DIP2B: variants seen among roughly 807,000 people sequenced by gnomAD.
The protein encoded by DIP2B is DIP2 acetate--CoA ligase B (putative), also known as disco-interacting protein 2 homolog B.
DIP2B carries 76 observed loss-of-function variants against 198.0 expected under a neutral mutation model. That is an observed-to-expected ratio of 0.38 (90% CI 0.32 to 0.46). The LOEUF is 0.46. Among genes scored for constraint, DIP2B ranks in the 20% least tolerant of loss-of-function variants. The pLI is 0.99. For synonymous variants in DIP2B, 701 were observed against 739.1 expected (o/e 0.95, Z 0.84); for missense variants, 1,559 against 1,978.4 (o/e 0.79, Z 4.02).
At chr12:50,718,560 A>C (rs567788618) in intron 23 of DIP2B, 149 bp from the exon 24 acceptor site, 1 of 656,206 alleles carries the variant, frequency 1.5e-6, no homozygotes, top group African/African-American at 1.8e-5. Flanking sequence ...TCTTTGCCCT[A>C]TTTGCTCCTG....
chr12:50,679,229 A>T (rs574334766), intron 8 of DIP2B: 9 of 210,890 alleles, frequency 4.3e-5, no homozygotes, highest in African/African-American at 2.1e-4. Context: ...TTAAATCTTT[A>T]TTCCATCCTG....
chr12:50,721,527 T>G (rs866502577), intron 26 of DIP2B, 131 bp downstream of exon 26: 3 of 1,383,814 alleles, frequency 2.2e-6, no homozygotes, highest in Middle Eastern at 2.2e-4. Flanking sequence ...TAGAAGACCA[T>G]GCACACAGGC....
chr12:50,562,766 T>A lies in DIP2B; in HGVS notation c.100+57526T>A, dbSNP rs1348046768. On this transcript the variant is annotated intron_variant, in intron 1 of 37. Transcript: ENST00000301180. Reference sequence around the variant, plus strand: ...AAAAAAAAAAATTCTCAGGCTTTTTTATGGTCAGACTAAATTATCACCTAA... The same window carrying A: ...AAAAAAAAAAATTCTCAGGCTTTTTAATGGTCAGACTAAATTATCACCTAA... 4.6e-5 allele frequency among the ~76,000 whole-genome samples: 7 copies of A among 152,136 alleles called. No individual in the cohort carries two copies. The East Asian group carries it at 1.2e-3, about 25-fold the overall frequency.
In DIP2B at chr12:50,695,791, A is replaced by G. The variant is rs967581394; in HGVS notation, c.1814-57A>G. The G allele has an allele frequency of 1.4e-5, 23 of 1,599,596 alleles. No homozygotes were observed. The African/African-American group carries it at 2.3e-4, about 16-fold the overall frequency. Reference sequence around the variant, plus strand: ...AGTAAAAATGTTTTTATTGTGGTGTATTACATATGTCCCAAATTTATTGTG... The same window carrying G: ...AGTAAAAATGTTTTTATTGTGGTGTGTTACATATGTCCCAAATTTATTGTG... On this transcript the variant is annotated intron_variant, in intron 15 of 37. Coordinates refer to ENST00000301180, the MANE Select transcript of DIP2B (RefSeq NM_173602.3).
rs1940346035 is a variant in DIP2B, at chr12:50,746,712, TG to T, written c.*1874del. The T allele has an allele frequency of 6.6e-6, 1 of 152,194 alleles. No individual in the cohort carries two copies. Among genetic ancestry groups the T allele is most frequent in the African/African-American group, 2.4e-5 (1 of 41,432 alleles). 9.4% of individuals were successfully genotyped at this position (152,194 alleles called of 1,614,324 possible). A position where few individuals can be genotyped will look rare whatever the true frequency, so the allele number is the denominator to read the frequency against. On this transcript the variant is annotated 3_prime_UTR_variant, in exon 38 of 38. Transcript: ENST00000301180. ...CATTGGGGCACACAGGAAATCCCAG[TG>T]TCTAGCAATGGTTTGGTTTGCAGAG...
chr12:50,736,138 C>T (rs1250825077), intron 34 of DIP2B, among the ~76,000 whole-genome samples: 1 of 152,100 alleles, frequency 6.6e-6, no homozygotes, highest in Non-Finnish European at 1.5e-5. Context: ...CCTGCCAAAC[C>T]TACTTGGTGG....
rs776371164 is a variant in DIP2B at position 50,543,149 on chromosome 12, T to TA, written c.100+37910dup. Among the ~76,000 whole-genome samples, 6 of 152,194 alleles carry TA rather than the reference T, an allele frequency of 3.9e-5. No individual in the cohort carries two copies. In the East Asian group the frequency reaches 1.2e-3, roughly 29 times the overall value. ...TCAGCTTCCCAAAGTGATGGGATTA[T>TA]AGGCGTGAGCCACCGTGCCTGTCCC... On this transcript the variant is annotated intron_variant, in intron 1 of 37. Transcript: ENST00000301180.
rs116306133 is a variant in DIP2B, at chr12:50,546,387, T to C, written c.100+41147T>C. Among the ~76,000 whole-genome samples, 612 of 151,626 alleles carry C rather than the reference T, an allele frequency of 4.0e-3. 5 individuals carry two copies. The highest frequency in any genetic ancestry group is 0.014 in the African/African-American group (575 of 40,920). ...GGTTCAGGGGGTACATGTAAATGTT[T>C]GTTACATGAGTTGTGAAGAATTCTG... On this transcript the variant is annotated intron_variant, in intron 1 of 37. Coordinates refer to ENST00000301180, the MANE Select transcript of DIP2B (RefSeq NM_173602.3).
Position 50,635,805 on chromosome 12 carries a change from G to A in DIP2B, c.173-4919G>A, listed in dbSNP as rs142799380. 4.6e-3 allele frequency among the ~76,000 whole-genome samples: 698 copies of A among 152,252 alleles called. 8 individuals carry two copies. Among genetic ancestry groups the A allele is most frequent in the African/African-American group, 0.016 (659 of 41,540 alleles). On this transcript the variant is annotated intron_variant, in intron 2 of 37. Coordinates refer to ENST00000301180, the MANE Select transcript of DIP2B (RefSeq NM_173602.3). ...TTTTTGCATACAACTTATATGAATT[G>A]GAGATACACAAATAAGCAGGATTTT...
intron 1 of DIP2B, among the ~76,000 whole-genome samples, chr12:50,590,404 C>T (rs1020708371): frequency 6.6e-6 from 1 of 151,290 alleles, no homozygotes; most frequent in South Asian, 2.1e-4. Flanking sequence ...GAGCCTTGCT[C>T]TGTTGCCCAG....
chr12:50,559,709 C>CCACACACACACACACACACACACA (rs55678718), intron 1 of DIP2B, among the ~76,000 whole-genome samples: 12 of 139,614 alleles, frequency 8.6e-5, no homozygotes, highest in East Asian at 4.2e-4. Flanking sequence ...GTGACAGAAA[C>CCACACACACACACACACACACACA]CACACACACA....
chr12:50,666,907 A>G (rs1222775087), intron 4 of DIP2B, among the ~76,000 whole-genome samples: 1 of 152,192 alleles, frequency 6.6e-6, no homozygotes, highest in African/African-American at 2.4e-5. Context: ...CTGTAGTCCC[A>G]GCTACTCGGG....
intron 34 of DIP2B, 75 bp from the exon 35 acceptor site, chr12:50,736,961 T>TA: frequency 6.9e-7 from 1 of 1,440,184 alleles, no homozygotes; most frequent in Non-Finnish European, 9.7e-7. Context: ...CTCCAGCAGG[T>TA]AACTAACCGT....
intron 26 of DIP2B, 135 bp downstream of exon 26, chr12:50,721,531 C>T (rs1421197424): frequency 3.0e-6 from 4 of 1,352,188 alleles, no homozygotes; most frequent in Non-Finnish European, 4.0e-6. Context: ...AGACCATGCA[C>T]ACAGGCCAAA....
chr12:50,712,472 C>T (rs1939635148), intron 22 of DIP2B, among the ~76,000 whole-genome samples: 1 of 151,882 alleles, frequency 6.6e-6, no homozygotes, highest in Non-Finnish European at 1.5e-5. Context: ...GATGTGGTGG[C>T]ACACACCTGT....
intron 23 of DIP2B, among the ~76,000 whole-genome samples, chr12:50,715,859 G>A (rs1406749218): frequency 2.0e-5 from 3 of 152,292 alleles, no homozygotes; most frequent in Non-Finnish European, 4.4e-5. Context: ...ATAGGATACT[G>A]GAATTGATAA....
chr12:50,730,710 G>A (rs919425070), intron 30 of DIP2B, among the ~76,000 whole-genome samples: 1 of 152,074 alleles, frequency 6.6e-6, no homozygotes, highest in Non-Finnish European at 1.5e-5. Context: ...TAATATTTCT[G>A]ATCGCTTCAA....
chr12:50,732,010 AAG>A (rs1471868738), intron 31 of DIP2B, among the ~76,000 whole-genome samples: 1 of 152,214 alleles, frequency 6.6e-6, no homozygotes, highest in Non-Finnish European at 1.5e-5. Flanking sequence ...GGAATGCAAA[AAG>A]AGATGAGATT....
At position 50,683,002 on chromosome 12, in the gene DIP2B, T is replaced by C. The variant is rs549840677; in HGVS notation, c.1207-136T>C. 41 of 709,556 alleles carry C rather than the reference T, an allele frequency of 5.8e-5. No homozygotes were observed. The African/African-American group carries it at 7.5e-4, about 13-fold the overall frequency. The allele number at this position is 709,556 out of a possible 1,614,324, so 44.0% of individuals were successfully genotyped here. On this transcript the variant is annotated intron_variant, in intron 9 of 37. Transcript: ENST00000301180. ...TGTGTCTCTATCTCAGTAACTTAAT[T>C]TCCTTTAGAGCAGATGGCTGTTAAA...
Sources: gnomAD v4.1 joint callset for allele counts (sites outside exome capture counted in the v4.1 genomes callset) on GRCh38, gnomAD v4.1.1 for gene constraint, MANE v1.5 for transcripts, NCBI Gene and HGNC (gene_info 2026-07-23, HGNC 2026-07-21) for gene names.